LETMD1: variants seen among roughly 807,000 people sequenced by gnomAD.
LETMD1 encodes LETM1 domain containing 1.
A neutral mutation model predicts 43.9 loss-of-function variants in LETMD1; 30 were observed. The observed-to-expected ratio is 0.68, with a 90% confidence interval of 0.51 to 0.93. The LOEUF is 0.93. Ranked by LOEUF, LETMD1 falls within the 40% of genes least tolerant of loss-of-function variation. The pLI, the probability that LETMD1 is intolerant of heterozygous loss-of-function variation, is 0.00. For synonymous variants in LETMD1, 176 were observed against 163.1 expected, an observed-to-expected ratio of 1.08 and a Z score of -0.60; for missense variants, 413 against 447.7, an observed-to-expected ratio of 0.92 and a Z score of 0.70.
intron 1 of LETMD1, 31 bp from the exon 2 acceptor site, chr12:51,049,003 T>C: frequency 1.2e-6 from 2 of 1,604,048 alleles, no homozygotes; most frequent in Non-Finnish European, 1.7e-6. Context: ...TAGGACTGAT[T>C]CCCAGATAGT....
At chr12:51,063,979 G>A (rs763725024), downstream of LETMD1, 2 of 1,613,856 alleles carry the variant, frequency 1.2e-6, no homozygotes, top group Admixed American at 1.7e-5. Flanking sequence ...AGGGCAGCTG[G>A]GTCTGTGGAG....
In LETMD1 at chr12:51,059,741, A is replaced by C; in HGVS notation, c.*310A>C. On this transcript the variant is annotated 3_prime_UTR_variant, in exon 9 of 9. Transcript: ENST00000262055. ...GCTTTTACTGTGATGTGTTCAGTTC[A>C]TGTCCTAGGAAGTCAGCTTTTGCCC... 3.0e-6 allele frequency: 1 copy of C among 338,472 alleles called. No individual in the cohort carries two copies. Among genetic ancestry groups the C allele is most frequent in the Non-Finnish European group, 5.7e-6 (1 of 176,930 alleles). 21.0% of individuals were successfully genotyped at this position (338,472 alleles called of 1,614,324 possible).
At chr12:51,051,060 A>T (rs1353180479) in intron 2 of LETMD1, among the ~76,000 whole-genome samples, 1 of 151,958 alleles carries the variant, frequency 6.6e-6, no homozygotes, top group Non-Finnish European at 1.5e-5. Flanking sequence ...AATTTTCATA[A>T]AATGAAAATT....
chr12:51,063,596 C>A (rs1937789109), downstream of LETMD1: 1 of 616,084 alleles, frequency 1.6e-6, no homozygotes, highest in Non-Finnish European at 2.7e-6. Context: ...TTAAAAAATA[C>A]TCAAACAATC....
At chr12:51,065,972 G>A in the LETMD1 span, among the ~76,000 whole-genome samples, 2 of 152,202 alleles carry the variant, frequency 1.3e-5, no homozygotes, top group Non-Finnish European at 2.9e-5. Flanking sequence ...TTCATTCTTA[G>A]GGATGGTATT....
chr12:51,048,780 A>C, intron 1 of LETMD1: 1 of 586,594 alleles, frequency 1.7e-6, no homozygotes, highest in Non-Finnish European at 3.0e-6. Flanking sequence ...CTTAGCCTGC[A>C]GTTCAAATTG....
chr12:51,064,523 G>A (rs1365156183), downstream of LETMD1: 3 of 1,613,048 alleles, frequency 1.9e-6, no homozygotes, highest in Non-Finnish European at 2.5e-6. Flanking sequence ...CTGCTGGGCG[G>A]CTCACCTGCC....
At chr12:51,053,682 G>A (rs1339006636) in intron 3 of LETMD1, 96 bp from the exon 4 acceptor site, 2 of 783,978 alleles carry the variant, frequency 2.6e-6, no homozygotes, top group East Asian at 2.6e-5. Flanking sequence ...TTTCTGGGCT[G>A]TAATAGAAGT....
At chr12:51,058,611 C>T (rs1362009054) in intron 8 of LETMD1, 1 of 159,594 alleles carries the variant, frequency 6.3e-6, no homozygotes, top group African/African-American at 2.4e-5. Flanking sequence ...TAGTAGAGAC[C>T]AGGTTTCTCC....
the LETMD1 span, among the ~76,000 whole-genome samples, chr12:51,068,250 C>T: frequency 2.0e-5 from 3 of 152,118 alleles, no homozygotes; most frequent in Non-Finnish European, 4.4e-5. Context: ...CTCCGCCTCC[C>T]GGGTTCAAGC....
In LETMD1 at chr12:51,052,533, A is replaced by G. The variant is rs1011721502; in HGVS notation, c.390+326A>G. On this transcript the variant is annotated intron_variant, in intron 3 of 8. Coordinates refer to ENST00000262055, the MANE Select transcript of LETMD1 (RefSeq NM_015416.5). Reference sequence around the variant, plus strand: ...CGCGGTGGCTCACGCCTGTAATCCCAGCACTTTGGGAAGCCGAGGCAGGCA... The same window carrying G: ...CGCGGTGGCTCACGCCTGTAATCCCGGCACTTTGGGAAGCCGAGGCAGGCA... Among the ~76,000 whole-genome samples the G allele has an allele frequency of 2.6e-5, 4 of 152,216 alleles. No individual in the cohort carries two copies. The East Asian group carries it at 7.7e-4, about 29-fold the overall frequency.
the LETMD1 span, among the ~76,000 whole-genome samples, chr12:51,068,483 T>C: frequency 3.9e-5 from 6 of 152,208 alleles, no homozygotes; most frequent in Non-Finnish European, 8.8e-5. Flanking sequence ...GACTACTGGC[T>C]GCTATATTCA....
At chr12:51,055,110 C>A (rs1000178264) in intron 4 of LETMD1, among the ~76,000 whole-genome samples, 1 of 151,484 alleles carries the variant, frequency 6.6e-6, no homozygotes, top group Non-Finnish European at 1.5e-5. Context: ...AAAAAAAAAA[C>A]AACAAATCAG....
Position 51,049,056 on chromosome 12 carries a change from C to T in LETMD1, c.145C>T (p.Pro49Ser), listed in dbSNP as rs1244022156. ...TAGGTCTTCAAAGCTTCACCTTTCT[C>T]CAAAGGCAGATGTGAAGAACTTGAT... ...APRSSKLHLS[P>S]KADVKNLMSY... Residue 49 changes from proline to serine, a missense_variant, in exon 2 of 9, where the codon CCA (proline) becomes TCA (serine). Physicochemically the swap from Pro to Ser is moderately conservative, Grantham distance 74. Coordinates refer to ENST00000262055, the MANE Select transcript of LETMD1 (RefSeq NM_015416.5). The T allele has an allele frequency of 6.2e-7, 1 of 1,614,006 alleles. No homozygotes were observed. The highest frequency in any genetic ancestry group is 2.2e-5 in the East Asian group (1 of 44,890).
chr12:51,059,090 C>T, intron 8 of LETMD1: 2 of 416,392 alleles, frequency 4.8e-6, no homozygotes, highest in South Asian at 4.9e-5. Context: ...AGAAGAATCC[C>T]AACGCGACTG....
chr12:51,061,406 ATCTAGGCC>A (rs1044875651), downstream of LETMD1: 2 of 152,652 alleles, frequency 1.3e-5, no homozygotes, highest in Non-Finnish European at 2.9e-5. Flanking sequence ...AGAGTCATTT[ATCTAGGCC>A]TAGACTGGGA....
Position 51,056,513 on chromosome 12 carries a change from G to T in LETMD1, c.915+11G>T, listed in dbSNP as rs1200285828. On this transcript the variant is annotated intron_variant, in intron 7 of 8. Coordinates refer to ENST00000262055, the MANE Select transcript of LETMD1 (RefSeq NM_015416.5). ...CAGGAAGTAAAATCGGTAAGAGCTT[G>T]ATTGCAACATCAACCCTCAACCCTT... 2.5e-6 allele frequency: 4 copies of T among 1,613,970 alleles called. No homozygotes were observed. Among genetic ancestry groups the T allele is most frequent in the Non-Finnish European group, 3.4e-6 (4 of 1,180,026 alleles).
rs772672409 is a variant in LETMD1, at chr12:51,059,931, T to C, written c.*500T>C. 6.5e-6 allele frequency: 1 copy of C among 154,598 alleles called. No homozygotes were observed. The allele number at this position is 154,598 out of a possible 1,614,324, so 9.6% of individuals were successfully genotyped here. A position where few individuals can be genotyped will look rare whatever the true frequency, so the allele number is the denominator to read the frequency against. On this transcript the variant is annotated 3_prime_UTR_variant, in exon 9 of 9. Transcript: ENST00000262055. ...TACTTGGGTGTTTCCCTCCATCCTT[T>C]CTGATATGACCAAAAATCAAGTTGT...
rs550601111 is a variant in LETMD1 at position 51,059,755 on chromosome 12, C to G, written c.*324C>G. 3.2e-6 allele frequency: 1 copy of G among 308,310 alleles called. No homozygotes were observed. The highest frequency in any genetic ancestry group is 2.1e-5 in the African/African-American group (1 of 47,360). 19.1% of individuals were successfully genotyped at this position (308,310 alleles called of 1,614,324 possible). A position where few individuals can be genotyped will look rare whatever the true frequency, so the allele number is the denominator to read the frequency against. On this transcript the variant is annotated 3_prime_UTR_variant, in exon 9 of 9. Transcript: ENST00000262055. ...GTGTTCAGTTCATGTCCTAGGAAGT[C>G]AGCTTTTGCCCCAGGTGGGAATCCT...
Sources: allele counts gnomAD v4.1 joint callset (sites outside exome capture counted in the v4.1 genomes callset), GRCh38; gene constraint gnomAD v4.1.1; transcripts MANE v1.5; gene names NCBI Gene and HGNC (gene_info 2026-07-23, HGNC 2026-07-21).